The following PDZRN3 variants were observed in gnomAD, a reference collection of about 807,000 sequenced individuals.
PDZRN3 encodes PDZ domain containing ring finger 3, also known as E3 ubiquitin-protein ligase PDZRN3.
PDZRN3 carries 38 observed loss-of-function variants against 85.7 expected under a neutral mutation model. That is an observed-to-expected ratio of 0.44 (90% confidence interval 0.34 to 0.58). The LOEUF (loss-of-function observed/expected upper bound fraction) is 0.58. PDZRN3 is among the 20% of genes least tolerant of loss of function. The probability of loss-of-function intolerance (pLI) is 0.01; values close to 1 mark genes in which losing one functional copy is unlikely to be tolerated. For synonymous variants in PDZRN3, 759 were observed against 638.0 expected (o/e 1.19, Z -2.86); for missense variants, 1,629 against 1,506.4 (o/e 1.08, Z -1.35).
At position 73,508,201 on chromosome 3, in the gene PDZRN3, C is replaced by T. The variant is rs117974367; in HGVS notation, c.918+94153G>A. Among the ~76,000 whole-genome samples the T allele has an allele frequency of 1.2e-3, 180 of 152,300 alleles. 2 individuals are homozygous for T. In the East Asian group the frequency reaches 0.029, roughly 24 times the overall value. On this transcript the variant is annotated intron_variant, in intron 3 of 9. Coordinates refer to ENST00000263666, the MANE Select transcript of PDZRN3 (RefSeq NM_015009.3). ...CCTCTCTTCCCCGGCACATGCTGGA[C>T]ACCCTTGCTGAGCAGCAGCCACCAC...
chr3:73,500,586 T>A (rs1420806996), intron 3 of PDZRN3, among the ~76,000 whole-genome samples: 1 of 152,200 alleles, frequency 6.6e-6, no homozygotes. Context: ...AGCCTTAACA[T>A]GCTCTTTTCC....
At chr3:73,458,527 A>G (rs1295278151) in intron 3 of PDZRN3, among the ~76,000 whole-genome samples, 1 of 148,412 alleles carries the variant, frequency 6.7e-6, no homozygotes. Context: ...TTCATGGCAA[A>G]CTAGCATTTA....
At chr3:73,431,002 T>G (rs1467440507) in intron 3 of PDZRN3, among the ~76,000 whole-genome samples, 1 of 152,174 alleles carries the variant, frequency 6.6e-6, no homozygotes, top group Admixed American at 6.5e-5. Flanking sequence ...CACACTGCCC[T>G]GCAACCCCCA....
chr3:73,504,210 GAC>G (rs1269333250), intron 3 of PDZRN3, among the ~76,000 whole-genome samples: 1 of 152,194 alleles, frequency 6.6e-6, no homozygotes, highest in Non-Finnish European at 1.5e-5. Flanking sequence ...CACAGGAATA[GAC>G]TTAGTTAGCA....
chr3:73,506,910 CA>C (rs1429251007), intron 3 of PDZRN3, among the ~76,000 whole-genome samples: 51 of 136,812 alleles, frequency 3.7e-4, no homozygotes, highest in East Asian at 2.2e-4. Context: ...AAAAAAAAAA[CA>C]AAAAAACAAA....
intron 3 of PDZRN3, among the ~76,000 whole-genome samples, chr3:73,461,135 T>C (rs551684501): frequency 5.9e-5 from 9 of 152,172 alleles, no homozygotes; most frequent in Admixed American, 2.0e-4. Context: ...GTAGTGGAAG[T>C]TGATCTCAGA....
intron 3 of PDZRN3, among the ~76,000 whole-genome samples, chr3:73,541,132 C>T (rs1431901749): frequency 6.6e-6 from 1 of 152,088 alleles, no homozygotes; most frequent in Non-Finnish European, 1.5e-5. Flanking sequence ...GTTGCCTAAC[C>T]TCCATTAAAA....
chr3:73,566,325 C>A (rs1701949870), intron 3 of PDZRN3, among the ~76,000 whole-genome samples: 1 of 152,120 alleles, frequency 6.6e-6, no homozygotes, highest in African/African-American at 2.4e-5. Flanking sequence ...ATAACATTTT[C>A]TCAAAATATT....
rs1575634154 is a variant in PDZRN3 at position 73,413,012 on chromosome 3, G to A, written c.919-8617C>T. Among the ~76,000 whole-genome samples the A allele has an allele frequency of 2.0e-5, 3 of 152,244 alleles. No individual in the cohort carries two copies. The East Asian group carries it at 5.8e-4, about 29-fold the overall frequency. On this transcript the variant is annotated intron_variant, in intron 3 of 9. Coordinates refer to ENST00000263666, the MANE Select transcript of PDZRN3 (RefSeq NM_015009.3). ...CATCTCTGTGTGCCTCAGTGCCCTC[G>A]ATAGAATATGAGGAATATTTAAGTA...
At chr3:73,453,785 C>T (rs934684929) in intron 3 of PDZRN3, among the ~76,000 whole-genome samples, 1 of 152,172 alleles carries the variant, frequency 6.6e-6, no homozygotes, top group South Asian at 2.1e-4. Flanking sequence ...AATTGATCTC[C>T]GTGTTAAGCC....
intron 3 of PDZRN3, among the ~76,000 whole-genome samples, chr3:73,595,030 T>C (rs1702412910): frequency 6.6e-6 from 1 of 152,140 alleles, no homozygotes; most frequent in Admixed American, 6.5e-5. Context: ...ATGATCACAA[T>C]GCTCATCTCC....
chr3:73,468,808 G>A (rs1703275191), intron 3 of PDZRN3, among the ~76,000 whole-genome samples: 1 of 152,088 alleles, frequency 6.6e-6, no homozygotes, highest in Non-Finnish European at 1.5e-5. Flanking sequence ...CCCTGGCTCT[G>A]CCACTTACCA....
intron 3 of PDZRN3, among the ~76,000 whole-genome samples, chr3:73,502,496 T>C (rs1054698216): frequency 6.6e-6 from 1 of 152,210 alleles, no homozygotes; most frequent in African/African-American, 2.4e-5. Context: ...TCTTCTCCAA[T>C]ATCCATTGAT....
At position 73,600,337 on chromosome 3, in the gene PDZRN3, A is replaced by ACACACTCTCTCT. The variant is rs34405662; in HGVS notation, c.918+2016_918+2017insAGAGAGAGTGTG. On this transcript the variant is annotated intron_variant, in intron 3 of 9. Transcript: ENST00000263666. The stretch of plus-strand genomic sequence containing the variant: ...CACACACACACACACACACACACAC[A>ACACACTCTCTCT]CTCTCTCTCTCTCTCTCTCTCTCTC... Among the ~76,000 whole-genome samples the ACACACTCTCTCT allele has an allele frequency of 6.5e-3, 651 of 100,064 alleles. 5 individuals are homozygous for ACACACTCTCTCT. Among genetic ancestry groups the ACACACTCTCTCT allele is most frequent in the African/African-American group, 8.9e-3 (209 of 23,422 alleles). The allele number at this position is 100,064 out of a possible 152,430, so 65.6% of individuals were successfully genotyped here.
At chr3:73,511,748 G>A (rs1054394788) in intron 3 of PDZRN3, among the ~76,000 whole-genome samples, 4 of 152,230 alleles carry the variant, frequency 2.6e-5, no homozygotes, top group Admixed American at 6.5e-5. Context: ...CCAAGGACTG[G>A]CGGCCGCATC....
chr3:73,418,713 AT>A (rs750531148), intron 3 of PDZRN3, among the ~76,000 whole-genome samples: 13 of 152,036 alleles, frequency 8.6e-5, no homozygotes, highest in Non-Finnish European at 1.5e-4. Flanking sequence ...TCCTGACTTC[AT>A]TTTCTTGTTC....
In PDZRN3 at chr3:73,383,745, G is replaced by A. The variant is rs1703315163; in HGVS notation, c.2821C>T (p.Arg941Cys). The A allele has an allele frequency of 1.9e-6, 3 of 1,612,282 alleles. No individual in the cohort carries two copies. Among genetic ancestry groups the A allele is most frequent in the Non-Finnish European group, 1.7e-6 (2 of 1,179,942 alleles). Residue 941 changes from arginine to cysteine, a missense_variant, in exon 10 of 10, where the codon CGC (arginine) becomes TGC (cysteine). By Grantham distance (180) the Arg-to-Cys change is radical. Transcript: ENST00000263666. ...RYITKRPVRD[R>C]LLRERALKIR... ...TTCAGGGCGCGCTCCCGCAGCAGGCGGTCCCGCACGGGCCTCTTGGTGATG... is the reference window on the plus strand; with the variant it reads ...TTCAGGGCGCGCTCCCGCAGCAGGCAGTCCCGCACGGGCCTCTTGGTGATG...
At chr3:73,434,692 T>G (rs1702497969) in intron 3 of PDZRN3, among the ~76,000 whole-genome samples, 1 of 152,226 alleles carries the variant, frequency 6.6e-6, no homozygotes, top group Admixed American at 6.5e-5. Flanking sequence ...CTGGGCTGAC[T>G]GTCACTGGTT....
Position 73,491,422 on chromosome 3 carries a change from T to G in PDZRN3, c.919-87027A>C, listed in dbSNP as rs1392240483. 2.0e-5 allele frequency among the ~76,000 whole-genome samples: 3 copies of G among 152,224 alleles called. No individual in the cohort carries two copies. The East Asian group carries it at 5.8e-4, about 29-fold the overall frequency. On this transcript the variant is annotated intron_variant, in intron 3 of 9. Transcript: ENST00000263666. ...CACAAACCTGCTTCTTGGAGCCCAT[T>G]TCAAGAAGATGCAAATTTATATTGC...
Sources: allele counts gnomAD v4.1 joint callset (sites outside exome capture counted in the v4.1 genomes callset), GRCh38; gene constraint gnomAD v4.1.1; transcripts MANE v1.5; gene names NCBI Gene and HGNC (gene_info 2026-07-23, HGNC 2026-07-21).